The following ZNF365 variants were observed in gnomAD, a reference collection of about 807,000 sequenced individuals.
The protein encoded by ZNF365 is zinc finger protein 365, also known as protein ZNF365.
ZNF365 carries 22 observed loss-of-function variants against 35.0 expected under a neutral mutation model. The observed-to-expected ratio is 0.63, with a 90% CI of 0.45 to 0.90. ZNF365 has a LOEUF of 0.90. Ranked by LOEUF, ZNF365 falls within the 40% of genes least tolerant of loss-of-function variation. The probability of loss-of-function intolerance (pLI) is 0.00; values close to 1 mark genes in which losing one functional copy is unlikely to be tolerated. For missense variants in ZNF365, 448 were observed against 500.3 expected (o/e 0.90, Z 1.00); for synonymous variants, 188 against 196.2 (o/e 0.96, Z 0.35).
intron 3 of ZNF365, among the ~76,000 whole-genome samples, chr10:62,424,845 C>G (rs1840227659): frequency 6.6e-6 from 1 of 152,168 alleles, no homozygotes; most frequent in African/African-American, 2.4e-5. Flanking sequence ...TCCCAGGTTT[C>G]TGAAACTTAT....
At chr10:62,383,559 G>A (rs1214349555) in intron 2 of ZNF365, among the ~76,000 whole-genome samples, 3 of 152,212 alleles carry the variant, frequency 2.0e-5, no homozygotes, top group Non-Finnish European at 2.9e-5. Flanking sequence ...TTTGTTGATA[G>A]TAGATTATAA....
intron 3 of ZNF365, among the ~76,000 whole-genome samples, chr10:62,450,493 C>A (rs1402960678): frequency 5.3e-5 from 8 of 152,144 alleles, no homozygotes; most frequent in Non-Finnish European, 1.2e-4. Flanking sequence ...AATTTTTGAA[C>A]AAGGAGCCCT....
intron 3 of ZNF365, among the ~76,000 whole-genome samples, chr10:62,446,674 T>C (rs559882596): frequency 6.6e-6 from 1 of 152,258 alleles, no homozygotes; most frequent in East Asian, 1.9e-4. Context: ...GGCTATAAAA[T>C]TTTGGGGGAA....
intron 3 of ZNF365, among the ~76,000 whole-genome samples, chr10:62,427,253 G>A (rs1234765743): frequency 6.6e-6 from 1 of 152,160 alleles, no homozygotes; most frequent in Non-Finnish European, 1.5e-5. Context: ...CATCTATGAT[G>A]GCGGTCCCAT....
chr10:62,413,616 C>A (rs1029370888), intron 3 of ZNF365, among the ~76,000 whole-genome samples: 16 of 151,770 alleles, frequency 1.1e-4, no homozygotes, highest in African/African-American at 2.7e-4. Flanking sequence ...TAACACCTCA[C>A]TTTTAAAAAT....
chr10:62,395,023 G>T (rs1839699620), intron 3 of ZNF365, among the ~76,000 whole-genome samples: 1 of 152,144 alleles, frequency 6.6e-6, no homozygotes, highest in South Asian at 2.1e-4. Flanking sequence ...AGAGTGGGGA[G>T]TAGAGTCAGA....
chr10:62,402,538 A>T (rs1839846055), downstream of ZNF365: 2 of 812,182 alleles, frequency 2.5e-6, no homozygotes, highest in Admixed American at 6.2e-5. Context: ...GTCCTTCCTG[A>T]ATAAGCTGTT....
intron 3 of ZNF365, among the ~76,000 whole-genome samples, chr10:62,393,175 A>C (rs1476057460): frequency 6.6e-6 from 1 of 152,166 alleles, no homozygotes; most frequent in Non-Finnish European, 1.5e-5. Context: ...TATGGTCACA[A>C]CACCTTCTTT....
At chr10:62,443,697 A>C (rs974565159) in intron 3 of ZNF365, among the ~76,000 whole-genome samples, 2 of 152,194 alleles carry the variant, frequency 1.3e-5, no homozygotes, top group Non-Finnish European at 2.9e-5. Flanking sequence ...AGCGTTCAAG[A>C]TTTCAAGGGG....
In ZNF365 at chr10:62,469,990, G is replaced by C. The variant is rs368759147; in HGVS notation, c.982-9886G>C. Among the ~76,000 whole-genome samples, 6 of 152,206 alleles carry C rather than the reference G, an allele frequency of 3.9e-5. No individual in the cohort carries two copies. The East Asian group carries it at 1.2e-3, about 29-fold the overall frequency. ...TATTGTCTTTTAATGTGTATATATT[G>C]TATCATAATATTGATGAAACTATTG... On this transcript the variant is annotated intron_variant, in intron 4 of 4. Coordinates refer to the ZNF365 transcript ENST00000395255.
intron 3 of ZNF365, among the ~76,000 whole-genome samples, chr10:62,430,853 G>A (rs1167132167): frequency 2.0e-5 from 3 of 152,160 alleles, no homozygotes; most frequent in African/African-American, 7.2e-5. Context: ...TGACAAACAA[G>A]ATGTAATATG....
chr10:62,408,656 A>G (rs1249944058), intron 3 of ZNF365, among the ~76,000 whole-genome samples: 1 of 152,172 alleles, frequency 6.6e-6, no homozygotes, highest in Admixed American at 6.5e-5. Flanking sequence ...AGAGTGTCAG[A>G]AAACAAATAC....
intron 4 of ZNF365, among the ~76,000 whole-genome samples, chr10:62,470,322 G>A (rs1033596077): frequency 6.6e-6 from 1 of 152,168 alleles, no homozygotes; most frequent in African/African-American, 2.4e-5. Context: ...CATTGAGGGC[G>A]AGGAATCCTT....
chr10:62,388,373 G>C (rs1564569703), intron 2 of ZNF365, 23 bp from the exon 3 acceptor site: 10 of 1,613,752 alleles, frequency 6.2e-6, no homozygotes, highest in Non-Finnish European at 8.5e-6. Flanking sequence ...TCCCTTTTGT[G>C]TTCTGACATT....
chr10:62,411,782 A>T (rs1839989048), intron 3 of ZNF365, among the ~76,000 whole-genome samples: 1 of 152,040 alleles, frequency 6.6e-6, no homozygotes, highest in Admixed American at 6.6e-5. Context: ...GTTTCATATG[A>T]ATTTTAAAAC....
intron 3 of ZNF365, among the ~76,000 whole-genome samples, chr10:62,448,625 T>C (rs1003119986): frequency 6.6e-6 from 1 of 152,196 alleles, no homozygotes; most frequent in Non-Finnish European, 1.5e-5. Flanking sequence ...TATGTCTCTA[T>C]TGCAGATATG....
chr10:62,473,413 A>G (rs761236281), intron 4 of ZNF365, among the ~76,000 whole-genome samples: 2 of 152,116 alleles, frequency 1.3e-5, no homozygotes, highest in African/African-American at 2.4e-5. Context: ...CTAGTAATTG[A>G]CTTTGAATAG....
At chr10:62,424,982 G>T (rs959633316) in intron 3 of ZNF365, among the ~76,000 whole-genome samples, 6 of 152,016 alleles carry the variant, frequency 3.9e-5, no homozygotes, top group African/African-American at 1.4e-4. Flanking sequence ...GCTTCAGCAG[G>T]GTCTTCTGCA....
intron 3 of ZNF365, among the ~76,000 whole-genome samples, chr10:62,437,868 T>C (rs1840431551): frequency 6.6e-6 from 1 of 152,198 alleles, no homozygotes; most frequent in South Asian, 2.1e-4. Flanking sequence ...CTTGATTATG[T>C]AGGTATTAAT....
Sources: allele counts gnomAD v4.1 joint callset (sites outside exome capture counted in the v4.1 genomes callset), GRCh38; gene constraint gnomAD v4.1.1; transcripts MANE v1.5; gene names NCBI Gene and HGNC (gene_info 2026-07-23, HGNC 2026-07-21).